Variants in PPM1E observed in about 807,000 individuals in gnomAD.
The protein encoded by PPM1E is protein phosphatase 1E.
In PPM1E, 20 loss-of-function variants were observed where a neutral mutation model predicts 65.9. The observed-to-expected ratio is 0.30, with a 90% confidence interval of 0.21 to 0.44. PPM1E has a LOEUF of 0.44. Among genes scored for constraint, PPM1E ranks in the 20% least tolerant of loss-of-function variants. The probability of loss-of-function intolerance (pLI) is 1.00; values close to 1 mark genes in which losing one functional copy is unlikely to be tolerated. For synonymous variants in PPM1E, 352 were observed against 374.9 expected (o/e 0.94, Z 0.70); for missense variants, 713 against 953.1 (o/e 0.75, Z 3.32).
intron 1 of PPM1E, among the ~76,000 whole-genome samples, chr17:58,806,036 T>G (rs1357402784): frequency 1.3e-5 from 2 of 150,136 alleles, no homozygotes; most frequent in Non-Finnish European, 3.0e-5. Context: ...GATACTTAAT[T>G]GTAGTAAGTA....
intron 1 of PPM1E, among the ~76,000 whole-genome samples, chr17:58,827,770 C>T (rs1412056875): frequency 2.7e-5 from 4 of 150,886 alleles, no homozygotes; most frequent in East Asian, 2.0e-4. Flanking sequence ...GGCGTGGTGG[C>T]GCGCGCCTGT....
chr17:58,861,318 G>A (rs767481411), intron 1 of PPM1E, among the ~76,000 whole-genome samples: 14 of 152,218 alleles, frequency 9.2e-5, no homozygotes, highest in Non-Finnish European at 1.6e-4. Flanking sequence ...AATAAATTTA[G>A]TGGGAACTTG....
intron 1 of PPM1E, among the ~76,000 whole-genome samples, chr17:58,812,120 T>C (rs1254479277): frequency 1.3e-5 from 2 of 151,926 alleles, no homozygotes; most frequent in Admixed American, 1.3e-4. Context: ...ATTCCATTTT[T>C]TTTTTAATTC....
chr17:58,771,698 A>C (rs2049940919), intron 1 of PPM1E, among the ~76,000 whole-genome samples: 1 of 152,174 alleles, frequency 6.6e-6, no homozygotes, highest in African/African-American at 2.4e-5. Context: ...TCTTTAAAAA[A>C]AAAATGACAT....
chr17:58,768,623 G>C (rs1197989994), intron 1 of PPM1E, among the ~76,000 whole-genome samples: 2 of 152,124 alleles, frequency 1.3e-5, no homozygotes, highest in Non-Finnish European at 2.9e-5. Context: ...TGCCTCTAAT[G>C]AAAGAAAAGA....
chr17:58,832,454 T>A (rs1230202792), intron 1 of PPM1E, among the ~76,000 whole-genome samples: 1 of 152,104 alleles, frequency 6.6e-6, no homozygotes, highest in South Asian at 2.1e-4. Flanking sequence ...AAAGAAAAAA[T>A]GTAAAGCTTC....
chr17:58,974,080 A>T (rs1388039396), intron 6 of PPM1E, among the ~76,000 whole-genome samples: 1 of 151,762 alleles, frequency 6.6e-6, no homozygotes, highest in Admixed American at 6.6e-5. Flanking sequence ...GTGAGCCAAG[A>T]TTGTGCCACT....
intron 1 of PPM1E, among the ~76,000 whole-genome samples, chr17:58,799,518 C>T (rs1416229290): frequency 6.6e-6 from 1 of 152,170 alleles, no homozygotes; most frequent in Non-Finnish European, 1.5e-5. Context: ...TCTTGGCTCA[C>T]TGCAACTTCT....
intron 1 of PPM1E, among the ~76,000 whole-genome samples, chr17:58,873,565 GTATTATTATTAT>G (rs140125879): frequency 0.39 from 54,461 of 140,990 alleles, 10,367 homozygotes; most frequent in Middle Eastern, 0.5. Context: ...AATGCTCATA[GTATTATTATTAT>G]TATTATTATT....
chr17:58,760,239 C>T (rs924606688), intron 1 of PPM1E, among the ~76,000 whole-genome samples: 1 of 152,174 alleles, frequency 6.6e-6, no homozygotes, highest in African/African-American at 2.4e-5. Flanking sequence ...TGTAGTTATG[C>T]TAAAGGCTCC....
chr17:58,761,992 C>A (rs747027374), intron 1 of PPM1E, among the ~76,000 whole-genome samples: 1 of 152,084 alleles, frequency 6.6e-6, no homozygotes, highest in African/African-American at 2.4e-5. Flanking sequence ...TTCTGTATGA[C>A]GACTGATTTC....
intron 1 of PPM1E, among the ~76,000 whole-genome samples, chr17:58,790,274 G>T (rs2050144435): frequency 6.6e-6 from 1 of 151,918 alleles, no homozygotes; most frequent in African/African-American, 2.4e-5. Context: ...ATGTTGCCCA[G>T]GCTGATCTGG....
intron 1 of PPM1E, among the ~76,000 whole-genome samples, chr17:58,910,385 C>T (rs997345171): frequency 2.0e-5 from 3 of 152,036 alleles, no homozygotes; most frequent in Admixed American, 6.6e-5. Context: ...TTATACCGCC[C>T]ATCTCTTTTT....
Position 58,980,741 on chromosome 17 carries a change from C to T in PPM1E, c.1978C>T (p.Pro660Ser). ...SGLENEQFKS[P>S]GNRVSRLSHL... ...GTTGGAAAATGAACAGTTCAAATCC[C>T]CGGGAAACAGAGTTTCTAGATTGTC... Residue 660 changes from proline (P) to serine (S), a missense_variant, in exon 7 of 7, where the codon CCG (proline) becomes TCG (serine). By Grantham distance (74) the Pro-to-Ser change is moderately conservative. Coordinates refer to ENST00000308249, the MANE Select transcript of PPM1E (RefSeq NM_014906.5). The surrounding 1 kb of genome is among the most constrained non-coding windows in gnomAD (Gnocchi z 4.7). 6.2e-7 allele frequency: 1 copy of T among 1,614,102 alleles called. No homozygotes were observed.
At chr17:58,769,243 A>G (rs1440108546) in intron 1 of PPM1E, among the ~76,000 whole-genome samples, 2 of 152,154 alleles carry the variant, frequency 1.3e-5, no homozygotes. Context: ...TAATGCAGCC[A>G]TCATCTACTC....
chr17:58,815,439 G>T (rs1305102720), intron 1 of PPM1E, among the ~76,000 whole-genome samples: 1 of 152,170 alleles, frequency 6.6e-6, no homozygotes, highest in African/African-American at 2.4e-5. Flanking sequence ...CATAGTTTTT[G>T]TCAGACTGTC....
At chr17:58,885,925 G>A (rs1274508320) in intron 1 of PPM1E, among the ~76,000 whole-genome samples, 2 of 152,170 alleles carry the variant, frequency 1.3e-5, no homozygotes, top group East Asian at 3.8e-4. Context: ...TTTTATCCTG[G>A]TTTTTCACTT....
At chr17:58,937,027 T>G (rs974956110) in intron 1 of PPM1E, among the ~76,000 whole-genome samples, 1 of 151,830 alleles carries the variant, frequency 6.6e-6, no homozygotes, top group Non-Finnish European at 1.5e-5. Context: ...CCGGGCGCGG[T>G]GGCTCACGCC....
chr17:58,803,799 G>A (rs2143062954), intron 1 of PPM1E, among the ~76,000 whole-genome samples: 1 of 152,284 alleles, frequency 6.6e-6, no homozygotes, highest in East Asian at 1.9e-4. Context: ...CTGTCTTCTA[G>A]GCTGCCAGGA....
Sources: allele counts gnomAD v4.1 joint callset (sites outside exome capture counted in the v4.1 genomes callset), GRCh38; gene constraint gnomAD v4.1.1; non-coding constraint Gnocchi (gnomAD v3.1); transcripts MANE v1.5; gene names NCBI Gene and HGNC (gene_info 2026-07-23, HGNC 2026-07-21).